The following HTR4 variants were observed in gnomAD, a reference collection of about 807,000 sequenced individuals.
The protein encoded by HTR4 is 5-hydroxytryptamine (serotonin) receptor 4, G protein-coupled.
A neutral mutation model predicts 36.8 loss-of-function variants in HTR4; 16 were observed. The observed-to-expected ratio is 0.43, with a 90% CI of 0.29 to 0.66. The LOEUF (loss-of-function observed/expected upper bound fraction) is 0.66, where lower values mean the gene tolerates loss of function less well. Among genes scored for constraint, HTR4 ranks in the 30% least tolerant of loss-of-function variants. The pLI is 0.13. For missense variants in HTR4, 438 were observed against 490.9 expected (o/e 0.89, Z 1.02); for synonymous variants, 189 against 185.1 (o/e 1.02, Z -0.17).
At chr5:148,596,347 TG>T (rs1184151768) in intron 2 of HTR4, among the ~76,000 whole-genome samples, 1 of 152,206 alleles carries the variant, frequency 6.6e-6, no homozygotes, top group African/African-American at 2.4e-5. Context: ...ACCTCAAATT[TG>T]GTTACTCTCC....
intron 2 of HTR4, among the ~76,000 whole-genome samples, chr5:148,565,667 C>T (rs977368994): frequency 9.9e-5 from 15 of 152,146 alleles, no homozygotes; most frequent in Admixed American, 2.6e-4. Context: ...CACACCTACA[C>T]GCCCTGCCAT....
intron 5 of HTR4, among the ~76,000 whole-genome samples, chr5:148,518,857 T>C (rs927639561): frequency 2.0e-5 from 3 of 152,216 alleles, no homozygotes; most frequent in Admixed American, 1.3e-4. Context: ...CCTGCAGGAC[T>C]CTGCTCCAGC....
intron 5 of HTR4, among the ~76,000 whole-genome samples, chr5:148,522,958 A>G (rs1308952575): frequency 5.9e-5 from 9 of 152,142 alleles, no homozygotes; most frequent in Admixed American, 5.9e-4. Flanking sequence ...CAGACATAGA[A>G]GTCCAAAAGT....
At chr5:148,468,660 C>G (rs996695924) in intron 5 of HTR4, among the ~76,000 whole-genome samples, 2 of 152,140 alleles carry the variant, frequency 1.3e-5, no homozygotes, top group Non-Finnish European at 2.9e-5. Context: ...ATGGCAAAAC[C>G]CTGTCTACAA....
At chr5:148,599,584 A>G (rs1426172345) in intron 2 of HTR4, among the ~76,000 whole-genome samples, 1 of 152,156 alleles carries the variant, frequency 6.6e-6, no homozygotes, top group Non-Finnish European at 1.5e-5. Flanking sequence ...AAGGCAAATA[A>G]AAACAGAATT....
At chr5:148,617,227 T>C (rs1752731722) in intron 2 of HTR4, among the ~76,000 whole-genome samples, 1 of 152,172 alleles carries the variant, frequency 6.6e-6, no homozygotes. Context: ...GTGTGGTCCT[T>C]CCCACTTCCC....
intron 1 of HTR4, among the ~76,000 whole-genome samples, chr5:148,640,564 G>A (rs1000139377): frequency 3.3e-5 from 5 of 152,160 alleles, no homozygotes; most frequent in African/African-American, 9.7e-5. Flanking sequence ...CACAACACAG[G>A]GAATGCCAGT....
chr5:148,523,107 A>C, intron 5 of HTR4, 86 bp downstream of exon 5: 1 of 1,235,256 alleles, frequency 8.1e-7, no homozygotes, highest in Non-Finnish European at 1.1e-6. Flanking sequence ...TTCTTAGAAT[A>C]CTCAATCTAA....
At chr5:148,607,354 CT>C (rs1752217127) in intron 2 of HTR4, among the ~76,000 whole-genome samples, 1 of 152,178 alleles carries the variant, frequency 6.6e-6, no homozygotes, top group Admixed American at 6.5e-5. Context: ...ACTTTTCAAG[CT>C]TCAATGTTGG....
intron 2 of HTR4, among the ~76,000 whole-genome samples, chr5:148,583,447 A>G (rs999555013): frequency 1.5e-4 from 23 of 151,960 alleles, no homozygotes; most frequent in South Asian, 8.3e-4. Context: ...TAATAATAAT[A>G]AATAAAGTTA....
intron 4 of HTR4, among the ~76,000 whole-genome samples, chr5:148,545,965 T>C (rs993875245): frequency 6.6e-6 from 1 of 152,078 alleles, no homozygotes; most frequent in East Asian, 1.9e-4. Context: ...ATTAGGAAAG[T>C]GTTGAGTGAT....
At chr5:148,552,565 T>C (rs991952760) in intron 2 of HTR4, among the ~76,000 whole-genome samples, 51 of 152,216 alleles carry the variant, frequency 3.4e-4, no homozygotes, top group African/African-American at 1.1e-3. Context: ...TTGAGGTGCC[T>C]TCTTCCTGGA....
At chr5:148,516,634 T>A (rs1013659439) in intron 5 of HTR4, among the ~76,000 whole-genome samples, 45 of 151,872 alleles carry the variant, frequency 3.0e-4, no homozygotes, top group Admixed American at 2.9e-3. Context: ...TCCCTTTTTT[T>A]TTTTGTAGAT....
intron 5 of HTR4, among the ~76,000 whole-genome samples, chr5:148,456,188 T>G (rs944467617): frequency 6.6e-6 from 1 of 152,164 alleles, no homozygotes. Context: ...TACCCTGGGT[T>G]TGAGTATTCC....
In HTR4 at chr5:148,482,772, G is replaced by A; in HGVS notation, c.*431C>T. 2 of 1,036,602 alleles carry A rather than the reference G, an allele frequency of 1.9e-6. No individual in the cohort carries two copies. Among genetic ancestry groups the A allele is most frequent in the African/African-American group, 1.7e-5 (1 of 60,210 alleles). 64.2% of individuals were successfully genotyped at this position (1,036,602 alleles called of 1,614,324 possible). A position where few individuals can be genotyped will look rare whatever the true frequency, so the allele number is the denominator to read the frequency against. On this transcript the variant is annotated 3_prime_UTR_variant, in exon 7 of 7. Transcript: ENST00000377888. ...AGGAGCGACGCCTCTGGCTAAGACA[G>A]GAACAGAGAGGGAGTATTTTGTTGA...
At chr5:148,639,358 G>GC (rs1360750528) in intron 1 of HTR4, among the ~76,000 whole-genome samples, 2 of 151,944 alleles carry the variant, frequency 1.3e-5, no homozygotes, top group Admixed American at 6.6e-5. Flanking sequence ...CTGTAGCCAT[G>GC]CCCCTCCCCT....
At position 148,528,955 on chromosome 5, in the gene HTR4, C is replaced by T. The variant is rs937248043; in HGVS notation, c.354-5609G>A. On this transcript the variant is annotated intron_variant, in intron 4 of 6. Transcript: ENST00000377888. ...TGGTGCAAAATAATCGTGGTTTTTG[C>T]CATCAAGAATAATGGCAAAAACCAC... 4.8e-5 allele frequency among the ~76,000 whole-genome samples: 7 copies of T among 144,622 alleles called. No individual in the cohort carries two copies. The South Asian group carries it at 7.8e-4, about 16-fold the overall frequency. 94.9% of individuals were successfully genotyped at this position (144,622 alleles called of 152,430 possible).
At chr5:148,480,444 T>C (rs535394556), downstream of HTR4, among the ~76,000 whole-genome samples, 1 of 152,300 alleles carries the variant, frequency 6.6e-6, no homozygotes, top group Admixed American at 6.5e-5. Context: ...AGTGGTGCAA[T>C]CTCAGCTTAA....
chr5:148,549,739 C>T (rs1473064173), intron 3 of HTR4, among the ~76,000 whole-genome samples: 1 of 152,044 alleles, frequency 6.6e-6, no homozygotes, highest in Admixed American at 6.6e-5. Context: ...GTTCTAATTG[C>T]AGCCAGGGTT....
Sources: allele counts gnomAD v4.1 joint callset (sites outside exome capture counted in the v4.1 genomes callset), GRCh38; gene constraint gnomAD v4.1.1; transcripts MANE v1.5; gene names NCBI Gene and HGNC (gene_info 2026-07-23, HGNC 2026-07-21).